Variants in TRPC1 observed in about 807,000 individuals in gnomAD.
TRPC1 encodes transient receptor potential cation channel subfamily C member 1.
A neutral mutation model predicts 88.2 loss-of-function variants in TRPC1; 42 were observed. The observed-to-expected ratio is 0.48, with a 90% confidence interval of 0.37 to 0.62. The LOEUF is 0.62. TRPC1 is among the 20% of genes least tolerant of loss of function. TRPC1 has a pLI of 0.00. For missense variants in TRPC1, 699 were observed against 957.3 expected, an observed-to-expected ratio of 0.73 and a Z score of 3.56; for synonymous variants, 288 against 331.8, an observed-to-expected ratio of 0.87 and a Z score of 1.43.
intron 3 of TRPC1, among the ~76,000 whole-genome samples, chr3:142,746,821 GCACTCCAGC>G: frequency 6.6e-6 from 1 of 151,756 alleles, no homozygotes; most frequent in Admixed American, 6.6e-5. Context: ...TAGTGCCACT[GCACTCCAGC>G]CTGGGCGAAA....
At chr3:142,766,954 C>T (rs1267090455) in intron 4 of TRPC1, among the ~76,000 whole-genome samples, 1 of 152,104 alleles carries the variant, frequency 6.6e-6, no homozygotes, top group Non-Finnish European at 1.5e-5. Context: ...CTTTAAATTT[C>T]CAAATAAAGT....
At chr3:142,762,364 C>T (rs1416103786) in intron 4 of TRPC1, among the ~76,000 whole-genome samples, 1 of 147,380 alleles carries the variant, frequency 6.8e-6, no homozygotes, top group Non-Finnish European at 1.5e-5. Flanking sequence ...ATTCCAATTT[C>T]ATTTATTTCT....
chr3:142,755,683 G>T (rs989715234), intron 4 of TRPC1, among the ~76,000 whole-genome samples: 1 of 152,070 alleles, frequency 6.6e-6, no homozygotes, highest in African/African-American at 2.4e-5. Flanking sequence ...TGGACATAGG[G>T]AATTACATAT....
intron 2 of TRPC1, among the ~76,000 whole-genome samples, chr3:142,743,110 A>C (rs984036386): frequency 6.6e-6 from 1 of 152,130 alleles, no homozygotes; most frequent in Non-Finnish European, 1.5e-5. Flanking sequence ...AGTTCTTGAC[A>C]GTTTCTTTTA....
intron 7 of TRPC1, 174 bp downstream of exon 7, chr3:142,785,214 A>G: frequency 1.9e-6 from 1 of 521,234 alleles, no homozygotes; most frequent in South Asian, 3.3e-5. Context: ...GTAAAGATAA[A>G]TGTTCCTGAA....
intron 9 of TRPC1, among the ~76,000 whole-genome samples, chr3:142,794,973 T>C (rs1936408069): frequency 6.6e-6 from 1 of 152,010 alleles, no homozygotes; most frequent in Admixed American, 6.6e-5. Flanking sequence ...GTGTTCCATA[T>C]GTACAAAAAG....
At chr3:142,752,841 C>T (rs1355469252) in intron 4 of TRPC1, among the ~76,000 whole-genome samples, 16 of 152,110 alleles carry the variant, frequency 1.1e-4, no homozygotes, top group Admixed American at 2.0e-4. Context: ...TAACAAGGCA[C>T]GTACTGCACA....
intron 3 of TRPC1, among the ~76,000 whole-genome samples, chr3:142,744,608 G>A (rs192748745): frequency 4.9e-4 from 75 of 152,254 alleles, no homozygotes; most frequent in Non-Finnish European, 9.3e-4. Flanking sequence ...ATATAACGTA[G>A]TAAGTGGAAT....
intron 4 of TRPC1, among the ~76,000 whole-genome samples, chr3:142,756,667 A>G (rs931867794): frequency 7.9e-5 from 12 of 152,068 alleles, no homozygotes; most frequent in Non-Finnish European, 1.8e-4. Flanking sequence ...CCCTGGTATG[A>G]TGGTTCTAAT....
At position 142,784,853 on chromosome 3, in the gene TRPC1, A is replaced by G. The variant is rs377020498; in HGVS notation, c.1110A>G (p.Ile370Met). 105 of 1,614,150 alleles carry G rather than the reference A, an allele frequency of 6.5e-5. 1 individual carries two copies. In the South Asian group the frequency reaches 1.1e-3, roughly 17 times the overall value. Residue 370 changes from isoleucine to methionine, a missense_variant, in exon 7 of 13, where the codon ATA (isoleucine) becomes ATG (methionine). Around this residue, in one of 4 missense-constraint regions of TRPC1, gnomAD observed 426 missense variants for 641.3 expected, o/e 0.66. Transcript: ENST00000476941. ...CAGTTTTGTCACTTTGTTATTTGATAGCTCCCAAATCTCAGTTTGGCAGAA... is the reference window on the plus strand; with the variant it reads ...CAGTTTTGTCACTTTGTTATTTGATGGCTCCCAAATCTCAGTTTGGCAGAA... ...FWPVLSLCYL[I>M]APKSQFGRII... is the part of the protein sequence containing the mutation.
At chr3:142,747,632 G>T (rs772057197) in intron 3 of TRPC1, among the ~76,000 whole-genome samples, 16 of 152,086 alleles carry the variant, frequency 1.1e-4, no homozygotes, top group Non-Finnish European at 2.2e-4. Flanking sequence ...TAAATGAGAT[G>T]ATAAATGTAA....
At chr3:142,727,936 A>G (rs1295331623) in intron 1 of TRPC1, among the ~76,000 whole-genome samples, 1 of 152,044 alleles carries the variant, frequency 6.6e-6, no homozygotes, top group Non-Finnish European at 1.5e-5. Flanking sequence ...AAATAAGTTT[A>G]TTTAGAAAAC....
intron 2 of TRPC1, 117 bp downstream of exon 2, chr3:142,736,650 T>G (rs1015759985): frequency 5.9e-5 from 56 of 942,024 alleles, no homozygotes; most frequent in Non-Finnish European, 7.8e-5. Context: ...TCTTTTTCTT[T>G]CTTTGTCTCT....
At chr3:142,768,240 T>A (rs1263195118) in intron 4 of TRPC1, among the ~76,000 whole-genome samples, 1 of 152,120 alleles carries the variant, frequency 6.6e-6, no homozygotes, top group Non-Finnish European at 1.5e-5. Context: ...TACATATCGC[T>A]ACTGGTTTTC....
chr3:142,732,858 A>C (rs1933976707), intron 1 of TRPC1, among the ~76,000 whole-genome samples: 1 of 152,154 alleles, frequency 6.6e-6, no homozygotes, highest in Non-Finnish European at 1.5e-5. Flanking sequence ...ATACACAGGC[A>C]TTTTGAATTG....
At chr3:142,762,234 C>T (rs766820567) in intron 4 of TRPC1, among the ~76,000 whole-genome samples, 2 of 151,992 alleles carry the variant, frequency 1.3e-5, no homozygotes, top group Non-Finnish European at 2.9e-5. Context: ...TGGGGTTTCA[C>T]CATGTTGCCC....
At chr3:142,791,391 T>C (rs982215425) in intron 8 of TRPC1, among the ~76,000 whole-genome samples, 1 of 151,930 alleles carries the variant, frequency 6.6e-6, no homozygotes, top group Non-Finnish European at 1.5e-5. Context: ...TCACATTTGG[T>C]ATACTTTATC....
At chr3:142,771,031 G>A (rs1935558533) in intron 4 of TRPC1, among the ~76,000 whole-genome samples, 1 of 152,088 alleles carries the variant, frequency 6.6e-6, no homozygotes, top group South Asian at 2.1e-4. Context: ...AGAGAAGGTG[G>A]TGCCAGGTTC....
chr3:142,745,948 G>C (rs1395805144), intron 3 of TRPC1, among the ~76,000 whole-genome samples: 1 of 151,870 alleles, frequency 6.6e-6, no homozygotes, highest in Non-Finnish European at 1.5e-5. Context: ...ATAGAGATGG[G>C]GTTTCACCAT....
Sources: allele counts gnomAD v4.1 joint callset (sites outside exome capture counted in the v4.1 genomes callset), GRCh38; gene constraint gnomAD v4.1.1; regional missense constraint gnomAD v4.1.1; transcripts MANE v1.5; gene names NCBI Gene and HGNC (gene_info 2026-07-23, HGNC 2026-07-21).